Variants in ZNF160 observed in about 807,000 individuals in gnomAD.
ZNF160 encodes KRAB zinc finger protein KR18.
In ZNF160, 9 loss-of-function variants were observed where a neutral mutation model predicts 13.1. That is an observed-to-expected ratio of 0.69 (90% CI 0.41 to 1.20). The LOEUF is 1.20. Ranked by LOEUF, ZNF160 falls within the 50% of genes most tolerant of loss-of-function variation. The probability of loss-of-function intolerance (pLI) is 0.01; values close to 1 mark genes in which losing one functional copy is unlikely to be tolerated. For synonymous variants in ZNF160, 293 were observed against 333.2 expected, an observed-to-expected ratio of 0.88 and a Z score of 1.31; for missense variants, 838 against 988.0, an observed-to-expected ratio of 0.85 and a Z score of 2.04.
At chr19:53,083,477 T>C (rs926145772) in intron 3 of ZNF160, among the ~76,000 whole-genome samples, 1 of 152,224 alleles carries the variant, frequency 6.6e-6, no homozygotes, top group African/African-American at 2.4e-5. Flanking sequence ...AAGCATACCA[T>C]TTCATTTCGT....
At chr19:53,086,133 G>A in intron 3 of ZNF160, 129 bp downstream of exon 3, 2 of 1,327,046 alleles carry the variant, frequency 1.5e-6, no homozygotes, top group Non-Finnish European at 2.1e-6. Flanking sequence ...GAGGGACTGA[G>A]GGAAGGCGCG....
chr19:53,073,643 CAAGA>C (rs1444854843), intron 5 of ZNF160: 1 of 1,232,414 alleles, frequency 8.1e-7, no homozygotes, highest in Non-Finnish European at 1.1e-6. Flanking sequence ...AGGGAGAGAC[CAAGA>C]AAGAAAGCAG....
intron 2 of ZNF160, among the ~76,000 whole-genome samples, chr19:53,089,141 C>T (rs1235605500): frequency 6.6e-6 from 1 of 152,172 alleles, no homozygotes; most frequent in African/African-American, 2.4e-5. Flanking sequence ...TACAGTTGGT[C>T]GCCCAGAAGT....
chr19:53,081,502 G>A (rs543291862), intron 3 of ZNF160, among the ~76,000 whole-genome samples: 102 of 151,976 alleles, frequency 6.7e-4, no homozygotes, highest in African/African-American at 2.0e-3. Context: ...GCCAACAAGC[G>A]TATGAAAAAA....
At chr19:53,084,485 C>T (rs1490119853) in intron 3 of ZNF160, among the ~76,000 whole-genome samples, 1 of 152,166 alleles carries the variant, frequency 6.6e-6, no homozygotes. Flanking sequence ...GACAGAGCCG[C>T]CGTGCTCCGG....
Position 53,069,007 on chromosome 19 carries a change from G to T in ZNF160, c.1527C>A (p.Tyr509Ter), listed in dbSNP as rs377529146. ...AGGCTTTCCCACACTCATTACACTTGTAAGGTTTCTCTCCAGTATGAATTC... is the reference window on the plus strand; with the variant it reads ...AGGCTTTCCCACACTCATTACACTTTTAAGGTTTCTCTCCAGTATGAATTC... The part of the protein sequence containing the change: ...HRRIHTGEKP[Y>*]KCNECGKAFS... Residue 509 changes from tyrosine to a stop codon, truncating the protein, a stop_gained, in exon 6 of 6, where the codon TAC becomes TAA. Transcript: ENST00000683776. LOFTEE classifies it low-confidence loss of function (END_TRUNC). The surrounding 1 kb of genome is among the most constrained non-coding windows in gnomAD (Gnocchi z 4.4). 4.3e-6 allele frequency: 7 copies of T among 1,614,098 alleles called. No homozygotes were observed. In the Admixed American group the frequency reaches 1.2e-4, roughly 27 times the overall value.
chr19:53,069,087 A>G lies in ZNF160; in HGVS notation c.1447T>C (p.Cys483Arg), dbSNP rs2084067944. 6.2e-7 allele frequency: 1 copy of G among 1,614,014 alleles called. No individual in the cohort carries two copies. The highest frequency in any genetic ancestry group is 1.3e-5 in the African/African-American group (1 of 74,898). ...VIHTGTKPFK[C>R]NECSKVFTQN... ...GTGAAAACCTTGCTGCATTCATTGCATTTGAAAGGTTTTGTTCCAGTATGG... is the reference window on the plus strand; with the variant it reads ...GTGAAAACCTTGCTGCATTCATTGCGTTTGAAAGGTTTTGTTCCAGTATGG... Residue 483 changes from cysteine (C) to arginine (R), a missense_variant, in exon 6 of 6, where the codon TGC becomes CGC. Physicochemically the swap from Cys to Arg is radical, Grantham distance 180. Coordinates refer to ENST00000683776, the MANE Select transcript of ZNF160 (RefSeq NM_001322131.2). The surrounding 1 kb of genome is among the most constrained non-coding windows in gnomAD (Gnocchi z 4.4).
intron 5 of ZNF160, chr19:53,072,847 A>T: frequency 1.4e-6 from 1 of 693,312 alleles, no homozygotes; most frequent in Non-Finnish European, 1.8e-6. Flanking sequence ...GCGAAACTTC[A>T]TTTAAAAAAA....
At chr19:53,089,196 T>G (rs1457710381) in intron 2 of ZNF160, among the ~76,000 whole-genome samples, 2 of 152,086 alleles carry the variant, frequency 1.3e-5, no homozygotes, top group African/African-American at 4.8e-5. Flanking sequence ...GAAGTGGGGG[T>G]AGCCCTGTGG....
At chr19:53,073,481 C>T (rs751994516) in intron 5 of ZNF160, 1 of 1,598,228 alleles carries the variant, frequency 6.3e-7, no homozygotes, top group Non-Finnish European at 8.5e-7. Flanking sequence ...CAAGGAGCAG[C>T]AGCCAATGTT....
rs890664607 is a variant in ZNF160 at position 53,103,377 on chromosome 19, T to TA, written c.-467dup. 1 of 152,206 alleles carries TA rather than the reference T, an allele frequency of 6.6e-6. No homozygotes were observed. The highest frequency in any genetic ancestry group is 1.5e-5 in the Non-Finnish European group (1 of 68,068). The allele number at this position is 152,206 out of a possible 1,614,324, so 9.4% of individuals were successfully genotyped here. On this transcript the variant is annotated 5_prime_UTR_variant, in exon 1 of 6. An upstream open reading frame in the 5' UTR gains an earlier in-frame stop. Coordinates refer to ENST00000683776, the MANE Select transcript of ZNF160 (RefSeq NM_001322131.2). ...TTGAGTCTACACAGAGGAACACTCA[T>TA]ACGCCATGGTGTGATGCTTGCTCCG... is the stretch of plus-strand genomic sequence containing the variant.
chr19:53,074,998 G>A (rs2084330081), intron 4 of ZNF160, 59 bp downstream of exon 4: 11 of 1,611,362 alleles, frequency 6.8e-6, no homozygotes, highest in South Asian at 3.3e-5. Flanking sequence ...GGACTCGTAA[G>A]GGAAAATGCA....
intron 3 of ZNF160, among the ~76,000 whole-genome samples, chr19:53,080,154 T>C (rs1479360836): frequency 4.0e-5 from 6 of 151,310 alleles, no homozygotes; most frequent in African/African-American, 7.3e-5. Context: ...TTGCCCAGGC[T>C]GGAGTGCGAT....
intron 1 of ZNF160, among the ~76,000 whole-genome samples, chr19:53,098,570 G>T (rs7259791): frequency 0.17 from 25,875 of 150,980 alleles, 1,074 homozygotes; most frequent in East Asian, 0.34. Context: ...GAAAAAGAGA[G>T]GCCCCAGATC....
intron 1 of ZNF160, among the ~76,000 whole-genome samples, chr19:53,093,332 G>A (rs931400997): frequency 1.3e-5 from 2 of 152,146 alleles, no homozygotes; most frequent in African/African-American, 4.8e-5. Flanking sequence ...CCAGTTACTA[G>A]GGAGGCTGAG....
chr19:53,078,218 A>G (rs1344255359), intron 3 of ZNF160, among the ~76,000 whole-genome samples: 1 of 148,192 alleles, frequency 6.7e-6, no homozygotes, highest in East Asian at 2.1e-4. Context: ...CCAGCCTGGG[A>G]AACAAGAGTT....
In ZNF160 at chr19:53,086,245, C is replaced by G; in HGVS notation, c.15+17G>C. On this transcript the variant is annotated intron_variant, in intron 3 of 5. Transcript: ENST00000683776. Reference sequence around the variant, plus strand: ...AGGAAGAAATAAAAGAACAATCCACCAGGAGTATCACTTTACCTGAGTAAG... The same window carrying G: ...AGGAAGAAATAAAAGAACAATCCACGAGGAGTATCACTTTACCTGAGTAAG... 6.3e-7 allele frequency: 1 copy of G among 1,581,630 alleles called. No homozygotes were observed. The highest frequency in any genetic ancestry group is 1.1e-5 in the South Asian group (1 of 87,156).
intron 3 of ZNF160, chr19:53,085,088 G>A: frequency 1.2e-6 from 1 of 865,906 alleles, no homozygotes; most frequent in Non-Finnish European, 1.4e-6. Context: ...ACAAGTGCTG[G>A]GATTACAGGT....
At chr19:53,078,052 C>T (rs574387546) in intron 3 of ZNF160, among the ~76,000 whole-genome samples, 153 of 152,158 alleles carry the variant, frequency 1.0e-3, no homozygotes, top group Admixed American at 2.7e-3. Flanking sequence ...CCAGCCTGGC[C>T]AACATGATGA....
Sources: allele counts gnomAD v4.1 joint callset (sites outside exome capture counted in the v4.1 genomes callset), GRCh38; gene constraint gnomAD v4.1.1; non-coding constraint Gnocchi (gnomAD v3.1); transcripts MANE v1.5; gene names NCBI Gene and HGNC (gene_info 2026-07-23, HGNC 2026-07-21).